Variants in RBMS3 observed in about 807,000 individuals in gnomAD.
The protein encoded by RBMS3 is RNA binding motif single stranded interacting protein 3.
RBMS3 carries 27 observed loss-of-function variants against 66.8 expected under a neutral mutation model. The observed-to-expected ratio is 0.40, with a 90% CI of 0.30 to 0.56. The LOEUF is 0.56. RBMS3 is among the 20% of genes least tolerant of loss of function. The probability of loss-of-function intolerance (pLI) is 0.40; values close to 1 mark genes in which losing one functional copy is unlikely to be tolerated. For synonymous variants in RBMS3, 188 were observed against 183.0 expected, an observed-to-expected ratio of 1.03 and a Z score of -0.22; for missense variants, 513 against 549.5, an observed-to-expected ratio of 0.93 and a Z score of 0.66.
chr3:29,958,373 T>C (rs1696185761), intron 12 of RBMS3, among the ~76,000 whole-genome samples: 1 of 152,140 alleles, frequency 6.6e-6, no homozygotes, highest in African/African-American at 2.4e-5. Context: ...AAAGAAATGT[T>C]TTTCCTCTTG....
chr3:29,889,620 A>C (rs1201031746), intron 8 of RBMS3, among the ~76,000 whole-genome samples: 4 of 151,728 alleles, frequency 2.6e-5, no homozygotes, highest in Non-Finnish European at 1.5e-5. Context: ...GTAAATGTTG[A>C]CATTATTGTT....
chr3:29,534,791 C>T (rs1171516446), intron 3 of RBMS3, among the ~76,000 whole-genome samples: 1 of 152,188 alleles, frequency 6.6e-6, no homozygotes, highest in Non-Finnish European at 1.5e-5. Flanking sequence ...CTTTCAGCAG[C>T]ATAGCTGACA....
intron 12 of RBMS3, among the ~76,000 whole-genome samples, chr3:29,984,905 TGAG>T (rs1412464592): frequency 1.3e-5 from 2 of 152,216 alleles, no homozygotes; most frequent in East Asian, 3.9e-4. Flanking sequence ...GGGACCCACT[TGAG>T]GAGGCAAAGC....
chr3:29,823,872 C>T (rs1001859430), intron 6 of RBMS3, among the ~76,000 whole-genome samples: 1 of 152,076 alleles, frequency 6.6e-6, no homozygotes, highest in Non-Finnish European at 1.5e-5. Flanking sequence ...AAATATACCT[C>T]TAATAGATTT....
intron 1 of RBMS3, among the ~76,000 whole-genome samples, chr3:29,323,318 A>G (rs1177245121): frequency 6.6e-6 from 1 of 152,142 alleles, no homozygotes; most frequent in Non-Finnish European, 1.5e-5. Flanking sequence ...TTGGGTAATA[A>G]CAATAGAATT....
chr3:29,354,784 T>C (rs2037123336), intron 1 of RBMS3, among the ~76,000 whole-genome samples: 1 of 152,140 alleles, frequency 6.6e-6, no homozygotes, highest in African/African-American at 2.4e-5. Context: ...AGATGATACT[T>C]ATTTAGGCAA....
intron 3 of RBMS3, among the ~76,000 whole-genome samples, chr3:29,506,273 A>AT (rs758466900): frequency 1.6e-4 from 24 of 151,890 alleles, no homozygotes; most frequent in African/African-American, 4.1e-4. Flanking sequence ...ATTTGTTGAG[A>AT]TTTTTTATCA....
intron 1 of RBMS3, among the ~76,000 whole-genome samples, chr3:29,287,761 A>G (rs1032439602): frequency 6.6e-6 from 1 of 152,082 alleles, no homozygotes; most frequent in Admixed American, 6.6e-5. Flanking sequence ...CATACTAATC[A>G]TCACTACCAT....
At chr3:29,665,001 G>A (rs2050697741) in intron 4 of RBMS3, among the ~76,000 whole-genome samples, 1 of 152,138 alleles carries the variant, frequency 6.6e-6, no homozygotes. Context: ...GGAATGGGAA[G>A]AATAGAAGAA....
chr3:29,388,648 C>T (rs1036257816), intron 1 of RBMS3, among the ~76,000 whole-genome samples: 2 of 152,182 alleles, frequency 1.3e-5, no homozygotes, highest in Non-Finnish European at 2.9e-5. Context: ...GATCTCGGCT[C>T]ACTGCCAGCT....
intron 1 of RBMS3, among the ~76,000 whole-genome samples, chr3:29,393,390 T>C (rs2039398084): frequency 6.6e-6 from 1 of 152,232 alleles, no homozygotes; most frequent in South Asian, 2.1e-4. Context: ...TAAAGAATTC[T>C]GGCAGCGATG....
intron 1 of RBMS3, among the ~76,000 whole-genome samples, chr3:29,401,541 T>A (rs1285746357): frequency 6.6e-6 from 1 of 152,082 alleles, no homozygotes; most frequent in Non-Finnish European, 1.5e-5. Context: ...TGCTGACTAC[T>A]GCTTTCTTAA....
intron 4 of RBMS3, among the ~76,000 whole-genome samples, chr3:29,659,092 G>C (rs547803403): frequency 1.4e-4 from 21 of 152,262 alleles, no homozygotes; most frequent in African/African-American, 4.6e-4. Flanking sequence ...GCTGGGATTC[G>C]AGGCATGAGC....
intron 4 of RBMS3, among the ~76,000 whole-genome samples, chr3:29,665,569 C>G (rs957140531): frequency 6.6e-6 from 1 of 152,060 alleles, no homozygotes; most frequent in East Asian, 1.9e-4. Context: ...ATAATAGTCC[C>G]TCTTTGCAAA....
intron 1 of RBMS3, among the ~76,000 whole-genome samples, chr3:29,432,197 A>G (rs1038956071): frequency 6.6e-6 from 1 of 152,188 alleles, no homozygotes; most frequent in East Asian, 1.9e-4. Context: ...GCTGTTTGAG[A>G]TTTTGGTGGC....
At chr3:29,370,378 G>C (rs2038137094) in intron 1 of RBMS3, among the ~76,000 whole-genome samples, 1 of 152,192 alleles carries the variant, frequency 6.6e-6, no homozygotes, top group Admixed American at 6.5e-5. Flanking sequence ...TAGATAACTT[G>C]TTTTGGGAGT....
At position 30,004,776 on chromosome 3, in the gene RBMS3, C is replaced by T. The variant is rs1346186249; in HGVS notation, c.*914C>T. The T allele has an allele frequency of 1.3e-5, 2 of 151,758 alleles. No homozygotes were observed. The highest frequency in any genetic ancestry group is 6.6e-5 in the Admixed American group (1 of 15,158). 9.4% of individuals were successfully genotyped at this position (151,758 alleles called of 1,614,324 possible). A position where few individuals can be genotyped will look rare whatever the true frequency, so the allele number is the denominator to read the frequency against. ...ATGCAGATTTTTTTAATTTACAAAGCGTGATCGCTAGCAAAAGCATTAGTG... is the reference window on the plus strand; with the variant it reads ...ATGCAGATTTTTTTAATTTACAAAGTGTGATCGCTAGCAAAAGCATTAGTG... On this transcript the variant is annotated 3_prime_UTR_variant, in exon 15 of 15. Transcript: ENST00000383767.
chr3:29,743,513 C>T (rs1013154576), intron 5 of RBMS3, among the ~76,000 whole-genome samples: 1 of 152,110 alleles, frequency 6.6e-6, no homozygotes, highest in Admixed American at 6.5e-5. Context: ...CCCAATCTAC[C>T]GAATTAACAG....
Position 29,620,539 on chromosome 3 carries a change from C to A in RBMS3, c.399+33334C>A, listed in dbSNP as rs576248928. Among the ~76,000 whole-genome samples, 3 of 152,034 alleles carry A rather than the reference C, an allele frequency of 2.0e-5. No individual in the cohort carries two copies. The East Asian group carries it at 5.8e-4, about 29-fold the overall frequency. On this transcript the variant is annotated intron_variant, in intron 4 of 14. Coordinates refer to ENST00000383767, the MANE Select transcript of RBMS3 (RefSeq NM_001003793.3). ...GTCACTGTTCTTTAATTGAGGTGGT[C>A]CACTTACTGTGTAAATGTTTTAAAA... is the stretch of plus-strand genomic sequence containing the variant.
Sources: gnomAD v4.1 joint callset for allele counts (sites outside exome capture counted in the v4.1 genomes callset) on GRCh38, gnomAD v4.1.1 for gene constraint, MANE v1.5 for transcripts, NCBI Gene and HGNC (gene_info 2026-07-23, HGNC 2026-07-21) for gene names.